The following CSNK1E variants were observed in gnomAD, a reference collection of about 807,000 sequenced individuals.
The protein encoded by CSNK1E is casein kinase 1 epsilon.
In CSNK1E, 17 loss-of-function variants were observed where a neutral mutation model predicts 46.1. The ratio of observed to expected loss-of-function variants is 0.37; its 90% CI spans 0.25 to 0.55. CSNK1E has a LOEUF of 0.55. Ranked by LOEUF, CSNK1E falls within the 20% of genes least tolerant of loss-of-function variation. The probability of loss-of-function intolerance (pLI) is 0.82; values close to 1 mark genes in which losing one functional copy is unlikely to be tolerated. For missense variants in CSNK1E, 386 were observed against 595.4 expected (o/e 0.65, Z 3.66); for synonymous variants, 241 against 242.6 (o/e 0.99, Z 0.06).
intron 6 of CSNK1E, among the ~76,000 whole-genome samples, chr22:38,299,596 T>C (rs2092660000): frequency 6.6e-6 from 1 of 152,232 alleles, no homozygotes; most frequent in African/African-American, 2.4e-5. Context: ...CAATCTCGGC[T>C]CACTGCAACC....
At chr22:38,313,820 C>T (rs553989850) in intron 2 of CSNK1E, among the ~76,000 whole-genome samples, 6 of 152,334 alleles carry the variant, frequency 3.9e-5, no homozygotes, top group African/African-American at 1.4e-4. Context: ...TGACCCGGGA[C>T]ACTGAGGCAC....
intron 7 of CSNK1E, chr22:38,296,057 G>C (rs1832490771): frequency 7.4e-6 from 4 of 543,396 alleles, no homozygotes; most frequent in Admixed American, 6.3e-5. Flanking sequence ...CCAAGGTGTG[G>C]AGCCCTGCAG....
rs2092626757 is a variant in CSNK1E, at chr22:38,294,148, G to A, written c.1179C>T (p.Leu393=). Residue 393 remains leucine (L), a synonymous_variant, in exon 9 of 11, where the codon CTC becomes CTT. Transcript: ENST00000396832. The surrounding 1 kb of genome is among the most constrained non-coding windows in gnomAD (Gnocchi z 5.5). ...GAPANVSSSD[L]TGRQEVSRIP... ...TCCGGGAGACCTCTTGCCGCCCAGT[G>A]AGGTCTGAGGAGGAGACGTTGGCGG... The A allele has an allele frequency of 1.2e-6, 2 of 1,611,614 alleles. No individual in the cohort carries two copies. Among genetic ancestry groups the A allele is most frequent in the Non-Finnish European group, 8.5e-7 (1 of 1,179,642 alleles).
intron 10 of CSNK1E, 109 bp downstream of exon 10, chr22:38,293,146 G>T (rs2145825009): frequency 1.1e-6 from 1 of 875,626 alleles, no homozygotes. Flanking sequence ...GGTACCATCT[G>T]CCACTGCCAC....
chr22:38,295,963 C>A (rs2092638373), intron 7 of CSNK1E, among the ~76,000 whole-genome samples: 1 of 152,272 alleles, frequency 6.6e-6, no homozygotes, highest in South Asian at 2.1e-4. Context: ...CGTGCCGAAC[C>A]TTCTGCGGGC....
chr22:38,312,351 A>G (rs2092724633), intron 2 of CSNK1E, among the ~76,000 whole-genome samples: 1 of 152,222 alleles, frequency 6.6e-6, no homozygotes. Flanking sequence ...TTGGCTTCCC[A>G]AAGTGCTGGC....
intron 7 of CSNK1E, chr22:38,297,497 G>A (rs1212287219): frequency 2.2e-6 from 2 of 900,870 alleles, no homozygotes; most frequent in African/African-American, 3.5e-5. Context: ...GAGAAGAGAA[G>A]CCCAAGACCA....
rs116663982 is a variant in CSNK1E, at chr22:38,309,762, G to C, written c.76+4320C>G. 2.3e-3 allele frequency among the ~76,000 whole-genome samples: 347 copies of C among 152,270 alleles called. 1 individual carries two copies. Among genetic ancestry groups the C allele is most frequent in the African/African-American group, 7.9e-3 (329 of 41,558 alleles). On this transcript the variant is annotated intron_variant, in intron 2 of 10. Transcript: ENST00000396832. This position sits in a 1 kb window ranked among gnomAD's most constrained non-coding sequence, Gnocchi z 4.8. ...AGCCACTGTGCCTGGCCTACTGTTTGCATTTCTGTTTGACATGTGGAAAAA... is the reference window on the plus strand; with the variant it reads ...AGCCACTGTGCCTGGCCTACTGTTTCCATTTCTGTTTGACATGTGGAAAAA...
At chr22:38,313,590 C>T (rs900302748) in intron 2 of CSNK1E, among the ~76,000 whole-genome samples, 5 of 152,146 alleles carry the variant, frequency 3.3e-5, no homozygotes, top group Admixed American at 3.3e-4. Flanking sequence ...ATGAGGAGAC[C>T]GCATCCCCCC....
At chr22:38,295,314 C>T (rs560310734) in intron 7 of CSNK1E, 12 of 583,684 alleles carry the variant, frequency 2.1e-5, no homozygotes, top group African/African-American at 4.0e-5. Flanking sequence ...CAGCCACTGC[C>T]GCCCCTGGTG....
In CSNK1E at chr22:38,303,037, A is replaced by G. The variant is rs779225600; in HGVS notation, c.188-28T>C. ...GGGGGTCAAGCAGAGGGCCTCTGTC[A>G]GGGGTCAGAGGCAGGCAGCCAGCCA... On this transcript the variant is annotated intron_variant, in intron 3 of 10. Coordinates refer to ENST00000396832, the MANE Select transcript of CSNK1E (RefSeq NM_152221.3). This position sits in a 1 kb window ranked among gnomAD's most constrained non-coding sequence, Gnocchi z 4.7. 2 of 1,540,554 alleles carry G rather than the reference A, an allele frequency of 1.3e-6. No homozygotes were observed.
chr22:38,292,332 C>G (rs1602537126), intron 10 of CSNK1E: 1 of 152,314 alleles, frequency 6.6e-6, no homozygotes, highest in Middle Eastern at 3.4e-3. Flanking sequence ...TCCCTCTGGG[C>G]CCCAGAGCCT....
At chr22:38,311,540 G>C (rs560973040) in intron 2 of CSNK1E, among the ~76,000 whole-genome samples, 1 of 152,288 alleles carries the variant, frequency 6.6e-6, no homozygotes, top group East Asian at 1.9e-4. Context: ...CTAGGAACAA[G>C]TCTGTGCCAA....
intron 2 of CSNK1E, among the ~76,000 whole-genome samples, chr22:38,312,393 C>T (rs1009806956): frequency 6.6e-6 from 1 of 152,200 alleles, no homozygotes; most frequent in East Asian, 1.9e-4. Flanking sequence ...ACCTGGCCAT[C>T]CCGGCATTTT....
intron 2 of CSNK1E, among the ~76,000 whole-genome samples, chr22:38,308,476 C>T (rs2071730471): frequency 6.6e-6 from 1 of 152,094 alleles, no homozygotes; most frequent in African/African-American, 2.4e-5. Context: ...GAGCCCAAAT[C>T]CTGACTCGGA....
Position 38,298,678 on chromosome 22 carries a change from C to A in CSNK1E, c.885+108G>T. 3 of 1,303,410 alleles carry A rather than the reference C, an allele frequency of 2.3e-6. No individual in the cohort carries two copies. Among genetic ancestry groups the A allele is most frequent in the Non-Finnish European group, 3.3e-6 (3 of 918,744 alleles). The allele number at this position is 1,303,410 out of a possible 1,614,324, so 80.7% of individuals were successfully genotyped here. On this transcript the variant is annotated intron_variant, in intron 7 of 10. Coordinates refer to ENST00000396832, the MANE Select transcript of CSNK1E (RefSeq NM_152221.3). This position sits in a 1 kb window ranked among gnomAD's most constrained non-coding sequence, Gnocchi z 4.2. ...GGTCAACCACACTGTCCAGCTCGTA[C>A]CTCCCGTCTGTCGGGAGCCCCTCCC... is the stretch of plus-strand genomic sequence containing the variant.
rs919900618 is a variant in CSNK1E at position 38,302,728 on chromosome 22, C to A, written c.336+133G>T. The A allele has an allele frequency of 2.8e-5, 30 of 1,056,864 alleles. No individual in the cohort carries two copies. The African/African-American group carries it at 4.1e-4, about 15-fold the overall frequency. 65.5% of individuals were successfully genotyped at this position (1,056,864 alleles called of 1,614,324 possible). On this transcript the variant is annotated intron_variant, in intron 4 of 10. Transcript: ENST00000396832. ...TCCGCCTCAAAAAATAAATAAACAC[C>A]TACAATTCTATAGCCAGTGGACAAG...
chr22:38,293,822 C>T, intron 9 of CSNK1E: 1 of 503,392 alleles, frequency 2.0e-6, no homozygotes, highest in South Asian at 3.0e-5. Context: ...ATCTCTGAGC[C>T]CCTGCTGCCC....
intron 1 of CSNK1E, among the ~76,000 whole-genome samples, chr22:38,314,399 T>C (rs1432676778): frequency 2.0e-5 from 3 of 152,250 alleles, no homozygotes; most frequent in South Asian, 2.1e-4. Context: ...CAAGCAAGCA[T>C]GTCTTTGGGG....
Sources: allele counts gnomAD v4.1 joint callset (sites outside exome capture counted in the v4.1 genomes callset), GRCh38; gene constraint gnomAD v4.1.1; non-coding constraint Gnocchi (gnomAD v3.1); transcripts MANE v1.5; gene names NCBI Gene and HGNC (gene_info 2026-07-23, HGNC 2026-07-21).